SLC25A21: variants seen among roughly 807,000 people sequenced by gnomAD.
The protein encoded by SLC25A21 is mitochondrial 2-oxodicarboxylate carrier.
Under a neutral mutation model 43.8 loss-of-function variants are expected in SLC25A21, and 47 were observed. The observed-to-expected ratio is 1.07, with a 90% confidence interval of 0.85 to 1.37. The LOEUF (loss-of-function observed/expected upper bound fraction) is 1.37. Among genes scored for constraint, SLC25A21 ranks in the 40% most tolerant of loss-of-function variants. The pLI is 0.00. For missense variants in SLC25A21, 352 were observed against 350.2 expected (o/e 1.00, Z -0.04); for synonymous variants, 131 against 121.3 (o/e 1.08, Z -0.52).
At chr14:36,725,915 C>T (rs569915199) in intron 5 of SLC25A21, among the ~76,000 whole-genome samples, 173 of 152,276 alleles carry the variant, frequency 1.1e-3, no homozygotes, top group Admixed American at 2.0e-3. Context: ...AATGTCAAAG[C>T]CCCATCAACA....
At chr14:37,123,390 T>C (rs1963244147) in intron 1 of SLC25A21, among the ~76,000 whole-genome samples, 1 of 152,206 alleles carries the variant, frequency 6.6e-6, no homozygotes, top group Non-Finnish European at 1.5e-5. Context: ...AGAATGCAAT[T>C]TTCCTTCTGA....
At chr14:37,054,417 G>A (rs992181574) in intron 1 of SLC25A21, among the ~76,000 whole-genome samples, 5 of 152,164 alleles carry the variant, frequency 3.3e-5, no homozygotes, top group African/African-American at 1.2e-4. Context: ...TTTTGTTGTT[G>A]TAAGCCATGA....
chr14:36,878,101 T>C (rs886298683), intron 1 of SLC25A21, among the ~76,000 whole-genome samples: 1 of 152,104 alleles, frequency 6.6e-6, no homozygotes, highest in Non-Finnish European at 1.5e-5. Flanking sequence ...ACAGCACTGA[T>C]GTCCCAGCCC....
intron 1 of SLC25A21, among the ~76,000 whole-genome samples, chr14:37,142,978 TACAGGCAA>T (rs1466483351): frequency 6.6e-6 from 1 of 152,168 alleles, no homozygotes; most frequent in Non-Finnish European, 1.5e-5. Context: ...CTGCATTCCC[TACAGGCAA>T]AGGGAGCTGT....
intron 1 of SLC25A21, among the ~76,000 whole-genome samples, chr14:37,080,419 CCT>C (rs1433595024): frequency 3.9e-5 from 6 of 152,062 alleles, no homozygotes; most frequent in Non-Finnish European, 8.8e-5. Flanking sequence ...ATGGTAAGAC[CCT>C]GTCTCTACAA....
intron 2 of SLC25A21, among the ~76,000 whole-genome samples, chr14:36,825,591 A>G (rs1463940608): frequency 6.6e-6 from 1 of 152,228 alleles, no homozygotes; most frequent in Non-Finnish European, 1.5e-5. Context: ...ACTACAAGAC[A>G]GTCCAAGTCA....
chr14:36,934,656 A>G (rs562832798), intron 1 of SLC25A21, among the ~76,000 whole-genome samples: 27 of 152,176 alleles, frequency 1.8e-4, no homozygotes, highest in Non-Finnish European at 3.5e-4. Flanking sequence ...CTTCTAGTTT[A>G]TAAAATATAG....
At chr14:37,010,591 A>T (rs1960708955) in intron 1 of SLC25A21, among the ~76,000 whole-genome samples, 1 of 152,194 alleles carries the variant, frequency 6.6e-6, no homozygotes, top group Non-Finnish European at 1.5e-5. Context: ...ACTTGGATTC[A>T]GGCTTAGGGG....
chr14:37,172,314 C>T lies in SLC25A21; in HGVS notation c.37G>A (p.Ala13Thr). 1 of 1,602,916 alleles carries T rather than the reference C, an allele frequency of 6.2e-7. No homozygotes were observed. Among genetic ancestry groups the T allele is most frequent in the Non-Finnish European group, 8.5e-7 (1 of 1,174,864 alleles). ...CCACCGGCCACGATCTGCCGAGAAGCCTCGCGCACTAAGCTGACTTCAGGC... is the reference window on the plus strand; with the variant it reads ...CCACCGGCCACGATCTGCCGAGAAGTCTCGCGCACTAAGCTGACTTCAGGC... ...AKPEVSLVRE[A>T]SRQIVAGGSA... Residue 13 changes from alanine (A) to threonine (T), a missense_variant, in exon 1 of 10, where the codon GCT becomes ACT. By Grantham distance (58) the Ala-to-Thr change is moderately conservative (BLOSUM62 0). Transcript: ENST00000331299.
intron 3 of SLC25A21, among the ~76,000 whole-genome samples, chr14:36,771,186 G>A (rs887685536): frequency 1.3e-5 from 2 of 152,076 alleles, no homozygotes; most frequent in African/African-American, 4.8e-5. Context: ...TCTTTAATAT[G>A]CTTTTAAAGA....
At chr14:37,047,249 G>C (rs1185221627) in intron 1 of SLC25A21, among the ~76,000 whole-genome samples, 1 of 152,168 alleles carries the variant, frequency 6.6e-6, no homozygotes, top group African/African-American at 2.4e-5. Flanking sequence ...GCACGCTGAA[G>C]GGAACATGGA....
intron 1 of SLC25A21, among the ~76,000 whole-genome samples, chr14:36,945,740 T>C (rs1426468198): frequency 6.6e-6 from 1 of 152,114 alleles, no homozygotes; most frequent in Non-Finnish European, 1.5e-5. Flanking sequence ...TAGTGCTTAA[T>C]GGGTACAGAA....
intron 1 of SLC25A21, among the ~76,000 whole-genome samples, chr14:37,019,259 C>T (rs530827201): frequency 1.3e-5 from 2 of 151,980 alleles, no homozygotes; most frequent in East Asian, 3.9e-4. Flanking sequence ...CCAAACTCTT[C>T]CTTATCTTGG....
At chr14:36,701,516 G>A (rs980048803) in intron 7 of SLC25A21, among the ~76,000 whole-genome samples, 2 of 152,092 alleles carry the variant, frequency 1.3e-5, no homozygotes, top group Admixed American at 6.6e-5. Context: ...TAAGTTGTCT[G>A]TTCTTTAAAG....
At chr14:36,693,673 G>A (rs948196286) in intron 7 of SLC25A21, among the ~76,000 whole-genome samples, 4 of 151,444 alleles carry the variant, frequency 2.6e-5, no homozygotes, top group Middle Eastern at 3.4e-3. Context: ...TTGTTTTGTC[G>A]CCCAGCCTGG....
intron 3 of SLC25A21, chr14:36,807,083 A>G (rs1273811503): frequency 1.3e-5 from 2 of 152,398 alleles, no homozygotes; most frequent in East Asian, 1.9e-4. Context: ...GGTGCCTACC[A>G]TAAAAGGAAC....
At chr14:37,034,224 G>T (rs1566830466) in intron 1 of SLC25A21, among the ~76,000 whole-genome samples, 1 of 152,020 alleles carries the variant, frequency 6.6e-6, no homozygotes, top group Non-Finnish European at 1.5e-5. Flanking sequence ...CATCATGTTG[G>T]CCAGGCTTGT....
intron 1 of SLC25A21, among the ~76,000 whole-genome samples, chr14:37,049,186 C>G (rs1961652972): frequency 6.6e-6 from 1 of 152,072 alleles, no homozygotes. Context: ...TCTTGAAATT[C>G]CAATATTTCA....
At chr14:36,680,955 A>G (rs8010306) in intron 9 of SLC25A21, among the ~76,000 whole-genome samples, 21,934 of 152,212 alleles carry the variant, frequency 0.14, 2,352 homozygotes, top group Admixed American at 0.34. Context: ...TGCAACTTTC[A>G]TCATTTGTCA....
Sources: gnomAD v4.1 joint callset for allele counts (sites outside exome capture counted in the v4.1 genomes callset) on GRCh38, gnomAD v4.1.1 for gene constraint, MANE v1.5 for transcripts, NCBI Gene and HGNC (gene_info 2026-07-23, HGNC 2026-07-21) for gene names.